APBB1: variants seen among roughly 807,000 people sequenced by gnomAD.
The protein encoded by APBB1 is amyloid beta precursor protein binding family B member 1, also known as adaptor protein FE65a2.
APBB1 carries 22 observed loss-of-function variants against 78.4 expected under a neutral mutation model. The observed-to-expected ratio is 0.28, with a 90% CI of 0.20 to 0.40. The LOEUF is 0.40. Among genes scored for constraint, APBB1 ranks in the 10% least tolerant of loss-of-function variants. APBB1 has a pLI of 1.00. For missense variants in APBB1, 749 were observed against 932.4 expected, an observed-to-expected ratio of 0.80 and a Z score of 2.56; for synonymous variants, 369 against 372.7, an observed-to-expected ratio of 0.99 and a Z score of 0.12.
At chr11:6,415,046 G>A (rs899732781) in intron 1 of APBB1, among the ~76,000 whole-genome samples, 5 of 152,222 alleles carry the variant, frequency 3.3e-5, no homozygotes, top group Non-Finnish European at 7.3e-5. Flanking sequence ...TTTAAGTGCT[G>A]AAGCCTGAGC....
In APBB1 at chr11:6,403,953, G is replaced by T; in HGVS notation, c.722-131C>A. 1 of 1,003,616 alleles carries T rather than the reference G, an allele frequency of 1.0e-6. No individual in the cohort carries two copies. The highest frequency in any genetic ancestry group is 1.4e-6 in the Non-Finnish European group (1 of 706,434). 62.2% of individuals were successfully genotyped at this position (1,003,616 alleles called of 1,614,324 possible). On this transcript the variant is annotated intron_variant, in intron 2 of 14. Coordinates refer to ENST00000609360, the MANE Select transcript of APBB1 (RefSeq NM_001164.5). This position sits in a 1 kb window ranked among gnomAD's most constrained non-coding sequence, Gnocchi z 5.3. ...AGAGCTATACCACAACACAGTTCCT[G>T]CTTCTGCCTAGAGCCTATAGTCTGG...
intron 2 of APBB1, among the ~76,000 whole-genome samples, chr11:6,409,958 G>A (rs1043939441): frequency 1.3e-5 from 2 of 152,088 alleles, no homozygotes; most frequent in Non-Finnish European, 2.9e-5. Context: ...TGGAGCATGT[G>A]GATTATAAGC....
intron 2 of APBB1, among the ~76,000 whole-genome samples, chr11:6,409,410 T>C (rs1020575643): frequency 6.6e-6 from 1 of 152,184 alleles, no homozygotes; most frequent in East Asian, 1.9e-4. Flanking sequence ...TGCTTCAGAA[T>C]AACCTACGCT....
At chr11:6,400,496 C>G (rs1479204844) in intron 12 of APBB1, among the ~76,000 whole-genome samples, 1 of 150,048 alleles carries the variant, frequency 6.7e-6, no homozygotes, top group South Asian at 2.1e-4. Flanking sequence ...GAGCTAAGAT[C>G]ACGCCACCGC....
rs900932418 is a variant in APBB1 at position 6,395,539 on chromosome 11, G to C, written c.2128C>G (p.Pro710Ala). ...GAGGGAAGGTGGGGGCTTCTTCATG[G>C]GGTATGGGCCCCCAGCCGTTTGGGC... ...LKPKRLGAHT[P>A] Residue 710 changes from proline to alanine, a missense_variant, in exon 15 of 15, where the codon CCA (proline) becomes GCA (alanine). Around this residue, in one of 3 missense-constraint regions of APBB1, gnomAD observed 96 missense variants for 116.0 expected, o/e 0.83. Transcript: ENST00000609360. This position sits in a 1 kb window ranked among gnomAD's most constrained non-coding sequence, Gnocchi z 5.2. 16 of 1,554,164 alleles carry C rather than the reference G, an allele frequency of 1.0e-5. No individual in the cohort carries two copies. Among genetic ancestry groups the C allele is most frequent in the Non-Finnish European group, 1.4e-5 (16 of 1,151,692 alleles).
At chr11:6,398,096 T>C (rs1848323587) in intron 12 of APBB1, among the ~76,000 whole-genome samples, 1 of 152,186 alleles carries the variant, frequency 6.6e-6, no homozygotes, top group Non-Finnish European at 1.5e-5. Flanking sequence ...AGGGAAGCAG[T>C]GAAAGCAGTG....
At chr11:6,418,309 C>T (rs1849171401) in intron 1 of APBB1, among the ~76,000 whole-genome samples, 1 of 152,164 alleles carries the variant, frequency 6.6e-6, no homozygotes, top group Non-Finnish European at 1.5e-5. Flanking sequence ...TTGGCCTAGA[C>T]AGTTTCAGTG....
rs1021397814 is a variant in APBB1, at chr11:6,398,973, T to C, written c.1672+2016A>G. 2.6e-5 allele frequency among the ~76,000 whole-genome samples: 4 copies of C among 152,382 alleles called. No homozygotes were observed. In the South Asian group the frequency reaches 8.3e-4, roughly 32 times the overall value. On this transcript the variant is annotated intron_variant, in intron 12 of 14. Transcript: ENST00000609360. ...ATTAATTCATTTTTTATTTCATTCA[T>C]CAAACATTTGTTGAGTTCTTCCTGT...
intron 2 of APBB1, among the ~76,000 whole-genome samples, chr11:6,409,777 C>T (rs12281996): frequency 0.017 from 2,586 of 151,916 alleles, 196 homozygotes; most frequent in African/African-American, 0.06. Context: ...TTCCTGTATT[C>T]GCTACACGAC....
Position 6,403,011 on chromosome 11 carries a change from C to T in APBB1, c.1104+134G>A. On this transcript the variant is annotated intron_variant, in intron 6 of 14. Transcript: ENST00000609360. This position sits in a 1 kb window ranked among gnomAD's most constrained non-coding sequence, Gnocchi z 5.3. ...GTGCCTCCAGCTCAGACACAGGGCT[C>T]TGTGCTGAGACTGGAAGAACTCCTA... The T allele has an allele frequency of 2.2e-6, 2 of 929,960 alleles. No individual in the cohort carries two copies. Among genetic ancestry groups the T allele is most frequent in the Admixed American group, 2.7e-5 (1 of 36,914 alleles). 57.6% of individuals were successfully genotyped at this position (929,960 alleles called of 1,614,324 possible). A position where few individuals can be genotyped will look rare whatever the true frequency, so the allele number is the denominator to read the frequency against.
At chr11:6,405,511 G>C in intron 2 of APBB1, 1 of 986,568 alleles carries the variant, frequency 1.0e-6, no homozygotes, top group Non-Finnish European at 1.2e-6. Context: ...ACTGGTCCAA[G>C]AGGCAGTACT....
At chr11:6,415,939 TA>T (rs1166137799) in intron 1 of APBB1, among the ~76,000 whole-genome samples, 1 of 152,142 alleles carries the variant, frequency 6.6e-6, no homozygotes, top group Non-Finnish European at 1.5e-5. Flanking sequence ...TCCTCCCCCA[TA>T]CAGGCAAACT....
intron 12 of APBB1, 58 bp from the exon 13 acceptor site, chr11:6,396,273 C>T: frequency 7.0e-7 from 1 of 1,426,186 alleles, no homozygotes; most frequent in Non-Finnish European, 9.5e-7. Context: ...CCCAGCTCTA[C>T]CCTGGACCTC....
intron 1 of APBB1, among the ~76,000 whole-genome samples, chr11:6,413,975 C>A (rs905532229): frequency 1.3e-5 from 2 of 152,190 alleles, no homozygotes; most frequent in African/African-American, 4.8e-5. Context: ...CCTCCCAGAA[C>A]CACAGTAATC....
At chr11:6,396,524 T>C (rs949835514) in intron 12 of APBB1, 11 of 351,922 alleles carry the variant, frequency 3.1e-5, no homozygotes, top group Admixed American at 1.5e-4. Context: ...CAAATCATGC[T>C]CTCTCAGCGC....
intron 7 of APBB1, 69 bp downstream of exon 7, chr11:6,402,507 C>A: frequency 2.6e-6 from 4 of 1,521,870 alleles, no homozygotes; most frequent in Non-Finnish European, 2.7e-6. Context: ...GCAGGTCAGA[C>A]CTCCCATCTC....
chr11:6,401,138 G>A lies in APBB1; in HGVS notation c.1589-66C>T. The A allele has an allele frequency of 1.2e-6, 2 of 1,613,960 alleles. No homozygotes were observed. Among genetic ancestry groups the A allele is most frequent in the Non-Finnish European group, 1.7e-6 (2 of 1,179,978 alleles). ...TGCTCACCCGCAGCCCCACCAGCAG[G>A]GCATAAGCTGGACACTTGCCCAGCC... On this transcript the variant is annotated intron_variant, in intron 11 of 14. Coordinates refer to ENST00000609360, the MANE Select transcript of APBB1 (RefSeq NM_001164.5). This position sits in a 1 kb window ranked among gnomAD's most constrained non-coding sequence, Gnocchi z 4.5.
At position 6,411,970 on chromosome 11, in the gene APBB1, G is replaced by A. The variant is rs1047619477; in HGVS notation, c.-14-609C>T. Among the ~76,000 whole-genome samples the A allele has an allele frequency of 2.0e-5, 3 of 152,218 alleles. No homozygotes were observed. The highest frequency in any genetic ancestry group is 7.2e-5 in the African/African-American group (3 of 41,446). ...GGCAGGTCACAGAGGGAGGGCGCTC[G>A]GCTGCAATTCATGGCTTCTCTGGCC... On this transcript the variant is annotated intron_variant, in intron 1 of 14. Transcript: ENST00000609360. This position sits in a 1 kb window ranked among gnomAD's most constrained non-coding sequence, Gnocchi z 5.2.
At chr11:6,417,195 G>A (rs1267323737) in intron 1 of APBB1, among the ~76,000 whole-genome samples, 1 of 152,172 alleles carries the variant, frequency 6.6e-6, no homozygotes, top group Non-Finnish European at 1.5e-5. Context: ...TCTACAAGGT[G>A]TTTGCATGTG....
Sources: gnomAD v4.1 joint callset for allele counts (sites outside exome capture counted in the v4.1 genomes callset) on GRCh38, gnomAD v4.1.1 for gene constraint, gnomAD v4.1.1 regional missense constraint, Gnocchi (gnomAD v3.1) non-coding constraint, MANE v1.5 for transcripts, NCBI Gene and HGNC (gene_info 2026-07-23, HGNC 2026-07-21) for gene names.